TMEM161B: variants seen among roughly 807,000 people sequenced by gnomAD.
TMEM161B encodes transmembrane protein 161B.
A neutral mutation model predicts 61.8 loss-of-function variants in TMEM161B; 34 were observed. The observed-to-expected ratio is 0.55, with a 90% CI of 0.42 to 0.73. TMEM161B has a LOEUF of 0.73. Ranked by LOEUF, TMEM161B falls within the 30% of genes least tolerant of loss-of-function variation. The pLI is 0.00. For missense variants in TMEM161B, 456 were observed against 558.5 expected (o/e 0.82, Z 1.85); for synonymous variants, 167 against 192.8 (o/e 0.87, Z 1.11).
chr5:88,208,418 C>A (rs557057867), intron 5 of TMEM161B, among the ~76,000 whole-genome samples: 1 of 151,612 alleles, frequency 6.6e-6, no homozygotes, highest in East Asian at 1.9e-4. Context: ...GGAGGCGGAG[C>A]TTGCAGTGAG....
At chr5:88,259,300 A>C (rs1181648524) in intron 1 of TMEM161B, 1 of 152,208 alleles carries the variant, frequency 6.6e-6, no homozygotes, top group Non-Finnish European at 1.5e-5. Flanking sequence ...TAAAGGAACT[A>C]TGTCTGCTGA....
intron 1 of TMEM161B, among the ~76,000 whole-genome samples, chr5:88,252,798 A>G (rs1754504607): frequency 6.6e-6 from 1 of 152,192 alleles, no homozygotes; most frequent in Admixed American, 6.5e-5. Flanking sequence ...AGGATGATCA[A>G]TCTTTATGTA....
chr5:88,213,802 C>T (rs1017401696), intron 5 of TMEM161B, among the ~76,000 whole-genome samples: 4 of 152,088 alleles, frequency 2.6e-5, no homozygotes, highest in South Asian at 4.1e-4. Context: ...AACAAACAAG[C>T]GTTGACATAA....
intron 1 of TMEM161B, among the ~76,000 whole-genome samples, chr5:88,255,651 T>C (rs764392601): frequency 2.0e-5 from 3 of 152,204 alleles, no homozygotes; most frequent in African/African-American, 4.8e-5. Flanking sequence ...AATTTAATTG[T>C]TTACAGAATT....
chr5:88,250,173 GAGAGAGAGAA>G (rs531008944), intron 1 of TMEM161B, among the ~76,000 whole-genome samples: 191 of 152,020 alleles, frequency 1.3e-3, no homozygotes, highest in African/African-American at 3.9e-3. Context: ...AGTTTGCACA[GAGAGAGAGAA>G]AGAGAGAGAA....
At chr5:88,258,025 A>C (rs1755203280) in intron 1 of TMEM161B, among the ~76,000 whole-genome samples, 1 of 152,196 alleles carries the variant, frequency 6.6e-6, no homozygotes, top group African/African-American at 2.4e-5. Flanking sequence ...AACTATGATG[A>C]CATTAAACAC....
chr5:88,268,686 A>G (rs1461738701), intron 1 of TMEM161B, 35 bp downstream of exon 1: 1 of 1,613,708 alleles, frequency 6.2e-7, no homozygotes, highest in Non-Finnish European at 8.5e-7. Flanking sequence ...TTTTCGCCCC[A>G]CCGTTGTCAC....
chr5:88,196,534 C>T (rs1469506444), intron 11 of TMEM161B, 46 bp from the exon 12 acceptor site: 1 of 1,498,434 alleles, frequency 6.7e-7, no homozygotes, highest in Admixed American at 2.4e-5. Flanking sequence ...TAACTAATTA[C>T]CAAGCTTTTT....
chr5:88,194,163 G>A (rs1749275208), downstream of TMEM161B, among the ~76,000 whole-genome samples: 1 of 151,916 alleles, frequency 6.6e-6, no homozygotes, highest in Non-Finnish European at 1.5e-5. Context: ...CCCTCTTTTG[G>A]AATCCCTAGT....
Position 88,195,957 on chromosome 5 carries a change from C to A in TMEM161B, c.*254G>T. ...CAGAAATATTACCCTTGTAGATAGC[C>A]CTCTCATACCAGTAAATACAAAGAG... On this transcript the variant is annotated 3_prime_UTR_variant, in exon 12 of 12. Coordinates refer to ENST00000296595, the MANE Select transcript of TMEM161B (RefSeq NM_153354.5). 8.2e-7 allele frequency: 1 copy of A among 1,219,758 alleles called. No homozygotes were observed. The highest frequency in any genetic ancestry group is 1.0e-6 in the Non-Finnish European group (1 of 976,604). 75.6% of individuals were successfully genotyped at this position (1,219,758 alleles called of 1,614,324 possible).
At chr5:88,225,625 A>T in intron 4 of TMEM161B, 144 bp downstream of exon 4, 1 of 493,592 alleles carries the variant, frequency 2.0e-6, no homozygotes, top group Non-Finnish European at 3.5e-6. Flanking sequence ...AATAAATTTA[A>T]TTCAAATGAA....
intron 1 of TMEM161B, among the ~76,000 whole-genome samples, chr5:88,262,546 A>G (rs1295958750): frequency 2.0e-5 from 3 of 152,190 alleles, no homozygotes; most frequent in Non-Finnish European, 4.4e-5. Flanking sequence ...ACATCAGACA[A>G]TGGAATATTA....
chr5:88,212,535 G>A (rs1381137609), intron 5 of TMEM161B, among the ~76,000 whole-genome samples: 1 of 152,100 alleles, frequency 6.6e-6, no homozygotes, highest in African/African-American at 2.4e-5. Context: ...ACTTATAAAA[G>A]TACTATTATG....
Position 88,202,999 on chromosome 5 carries a change from T to A in TMEM161B, c.877A>T (p.Ile293Phe). The part of the protein sequence containing the change: ...LWVKPITKDY[I>F]MNPPLGKESI... ...TCTTTGCCCAGTGGTGGGTTCATAA[T>A]GTAGTCTTTGGTGATTGGTTTTACC... is the stretch of plus-strand genomic sequence containing the variant. Residue 293 changes from isoleucine to phenylalanine, a missense_variant, in exon 9 of 12, where the codon ATT (isoleucine) becomes TTT (phenylalanine). Ile to Phe is a conservative substitution (Grantham distance 21, BLOSUM62 0). Transcript: ENST00000296595. The A allele has an allele frequency of 6.2e-7, 1 of 1,612,030 alleles. No individual in the cohort carries two copies. The highest frequency in any genetic ancestry group is 8.5e-7 in the Non-Finnish European group (1 of 1,178,340).
chr5:88,190,229 G>A (rs778974498), downstream of TMEM161B: 38 of 701,064 alleles, frequency 5.4e-5, no homozygotes, highest in East Asian at 7.5e-4. Flanking sequence ...CTTGCATGCC[G>A]GGTGGAACGG....
At chr5:88,240,756 A>C (rs1320965888) in intron 2 of TMEM161B, 57 bp downstream of exon 2, 1 of 1,266,770 alleles carries the variant, frequency 7.9e-7, no homozygotes, top group African/African-American at 1.5e-5. Flanking sequence ...GAATTTAATC[A>C]GTTTGGTAAA....
intron 5 of TMEM161B, among the ~76,000 whole-genome samples, chr5:88,220,185 TCTAA>T (rs555973992): frequency 2.0e-5 from 3 of 152,236 alleles, no homozygotes; most frequent in South Asian, 2.1e-4. Flanking sequence ...AAATGTTATC[TCTAA>T]CTATTTTGGG....
At chr5:88,202,511 T>A (rs1744618087) in intron 9 of TMEM161B, 1 of 186,036 alleles carries the variant, frequency 5.4e-6, no homozygotes, top group Non-Finnish European at 1.1e-5. Flanking sequence ...ACTTCAAAAA[T>A]CCTTCATCAA....
intron 1 of TMEM161B, among the ~76,000 whole-genome samples, chr5:88,245,845 G>A (rs1753531620): frequency 6.6e-6 from 1 of 151,896 alleles, no homozygotes; most frequent in Non-Finnish European, 1.5e-5. Flanking sequence ...AAAAATCAGT[G>A]AGCTGGATTG....
Sources: gnomAD v4.1 joint callset for allele counts (sites outside exome capture counted in the v4.1 genomes callset) on GRCh38, gnomAD v4.1.1 for gene constraint, MANE v1.5 for transcripts, NCBI Gene and HGNC (gene_info 2026-07-23, HGNC 2026-07-21) for gene names.